NRCAM: variants seen among roughly 807,000 people sequenced by gnomAD.
NRCAM encodes the protein NgCAM-related cell adhesion molecule.
A neutral mutation model predicts 156.5 loss-of-function variants in NRCAM; 83 were observed. That is an observed-to-expected ratio of 0.53 (90% CI 0.44 to 0.64). The LOEUF (loss-of-function observed/expected upper bound fraction) is 0.64. Ranked by LOEUF, NRCAM falls within the 30% of genes least tolerant of loss-of-function variation. NRCAM has a pLI of 0.00. For missense variants in NRCAM, 1,417 were observed against 1,597.3 expected, an observed-to-expected ratio of 0.89 and a Z score of 1.92; for synonymous variants, 538 against 563.9, an observed-to-expected ratio of 0.95 and a Z score of 0.65.
At chr7:108,223,636 G>C (rs749985426) in intron 11 of NRCAM, 89 bp downstream of exon 11, 65 of 582,854 alleles carry the variant, frequency 1.1e-4, no homozygotes, top group Non-Finnish European at 1.7e-4. Context: ...AGAAGACAAT[G>C]ACTCCTCCTA....
In NRCAM at chr7:108,226,393, A is replaced by G; in HGVS notation, c.551-15T>C. ...TCTTTGAAAGGCTGGAGAAAGGCAG[A>G]GAGATATCAAGATTATTCCATCATA... On this transcript the variant is annotated splice_polypyrimidine_tract_variant and intron_variant, in intron 8 of 32. Transcript: ENST00000379028. The G allele has an allele frequency of 6.3e-7, 1 of 1,599,154 alleles. No homozygotes were observed. Among genetic ancestry groups the G allele is most frequent in the Non-Finnish European group, 8.6e-7 (1 of 1,168,900 alleles).
At chr7:108,271,145 T>A (rs1371817051) in intron 3 of NRCAM, among the ~76,000 whole-genome samples, 5 of 152,248 alleles carry the variant, frequency 3.3e-5, no homozygotes, top group Admixed American at 2.0e-4. Flanking sequence ...TATTATGTTA[T>A]GCATATTTTA....
chr7:108,443,327 A>G (rs1040201049), intron 1 of NRCAM, among the ~76,000 whole-genome samples: 1 of 152,226 alleles, frequency 6.6e-6, no homozygotes, highest in Non-Finnish European at 1.5e-5. Flanking sequence ...ATGGGGAGAC[A>G]TCATAAAGGA....
chr7:108,387,150 T>C (rs954957491), intron 2 of NRCAM, among the ~76,000 whole-genome samples: 1 of 152,188 alleles, frequency 6.6e-6, no homozygotes, highest in African/African-American at 2.4e-5. Context: ...TTTCTTATCC[T>C]GAACAATTCC....
rs148378085 is a variant in NRCAM, at chr7:108,180,098, T to C, written c.2851+125A>G. 4.0e-5 allele frequency: 30 copies of C among 741,270 alleles called. No individual in the cohort carries two copies. The African/African-American group carries it at 4.0e-4, about 10-fold the overall frequency. 45.9% of individuals were successfully genotyped at this position (741,270 alleles called of 1,614,324 possible). A position where few individuals can be genotyped will look rare whatever the true frequency, so the allele number is the denominator to read the frequency against. Reference sequence around the variant, plus strand: ...GGTAGCTTTGTGTGTGCTGTATTCATCTATAGAAATTTCAATCACATTTGG... The same window carrying C: ...GGTAGCTTTGTGTGTGCTGTATTCACCTATAGAAATTTCAATCACATTTGG... On this transcript the variant is annotated intron_variant, in intron 25 of 32. Coordinates refer to ENST00000379028, the MANE Select transcript of NRCAM (RefSeq NM_001037132.4).
intron 12 of NRCAM, among the ~76,000 whole-genome samples, chr7:108,208,983 C>T (rs1313993857): frequency 2.0e-5 from 3 of 152,184 alleles, no homozygotes; most frequent in East Asian, 3.8e-4. Context: ...AAGTAAGCTC[C>T]ATCTTCTAAA....
chr7:108,431,681 T>C (rs1285198822), intron 1 of NRCAM, among the ~76,000 whole-genome samples: 1 of 152,030 alleles, frequency 6.6e-6, no homozygotes, highest in Non-Finnish European at 1.5e-5. Flanking sequence ...GCTACTCAGG[T>C]GGCTGAGGTA....
At chr7:108,261,384 GCT>G (rs2153994341) in intron 3 of NRCAM, among the ~76,000 whole-genome samples, 1 of 152,292 alleles carries the variant, frequency 6.6e-6, no homozygotes, top group Admixed American at 6.5e-5. Context: ...AGATAGTATA[GCT>G]CTCTTTTGCT....
chr7:108,173,581 C>A (rs1026054853), intron 28 of NRCAM, among the ~76,000 whole-genome samples: 3 of 152,166 alleles, frequency 2.0e-5, no homozygotes, highest in South Asian at 2.1e-4. Context: ...GTCTTACTGG[C>A]AAAATATCCT....
At chr7:108,232,144 A>G (rs1352031749) in intron 7 of NRCAM, among the ~76,000 whole-genome samples, 182 bp downstream of exon 7, 1 of 152,152 alleles carries the variant, frequency 6.6e-6, no homozygotes, top group African/African-American at 2.4e-5. Context: ...TTGGTAAAGC[A>G]TTGGACTAAG....
chr7:108,361,971 G>A (rs1595108633), intron 2 of NRCAM, among the ~76,000 whole-genome samples: 2 of 152,156 alleles, frequency 1.3e-5, no homozygotes, highest in Middle Eastern at 6.8e-3. Flanking sequence ...ATTCAATTGA[G>A]TTGAAAACGT....
intron 3 of NRCAM, among the ~76,000 whole-genome samples, chr7:108,299,608 T>C (rs1226350859): frequency 3.9e-5 from 6 of 152,230 alleles, no homozygotes; most frequent in African/African-American, 1.4e-4. Context: ...ATGGAATAGA[T>C]ATTTAGAGCC....
At chr7:108,446,300 C>A (rs1273100780) in intron 1 of NRCAM, among the ~76,000 whole-genome samples, 1 of 152,126 alleles carries the variant, frequency 6.6e-6, no homozygotes, top group African/African-American at 2.4e-5. Context: ...TCTACAGAGT[C>A]CAGGCATGAA....
At chr7:108,344,487 A>G (rs1168388296) in intron 2 of NRCAM, among the ~76,000 whole-genome samples, 2 of 137,358 alleles carry the variant, frequency 1.5e-5, no homozygotes, top group East Asian at 5.7e-4. Flanking sequence ...AAATCTTGCA[A>G]CTGAAAAAAA....
At chr7:108,448,448 C>T (rs13245101) in intron 1 of NRCAM, among the ~76,000 whole-genome samples, 37,502 of 152,148 alleles carry the variant, frequency 0.25, 4,944 homozygotes, top group Non-Finnish European at 0.29. Flanking sequence ...GTCATTTAAG[C>T]AGTCAAAGAT....
In NRCAM at chr7:108,149,304, A is replaced by G. The variant is rs2040080172; in HGVS notation, c.*606T>C. 2 of 152,648 alleles carry G rather than the reference A, an allele frequency of 1.3e-5. No homozygotes were observed. Among genetic ancestry groups the G allele is most frequent in the South Asian group, 4.1e-4 (2 of 4,832 alleles). The allele number at this position is 152,648 out of a possible 1,614,324, so 9.5% of individuals were successfully genotyped here. A position where few individuals can be genotyped will look rare whatever the true frequency, so the allele number is the denominator to read the frequency against. Reference sequence around the variant, plus strand: ...GGAGTAACAGGAGCCAAGAGTAGGTAATAGTTCTCAGTAAGCATCAGCAAT... The same window carrying G: ...GGAGTAACAGGAGCCAAGAGTAGGTGATAGTTCTCAGTAAGCATCAGCAAT... On this transcript the variant is annotated 3_prime_UTR_variant, in exon 33 of 33. Coordinates refer to ENST00000379028, the MANE Select transcript of NRCAM (RefSeq NM_001037132.4).
At chr7:108,194,573 A>G in intron 15 of NRCAM, 145 bp from the exon 16 acceptor site, 1 of 586,776 alleles carries the variant, frequency 1.7e-6, no homozygotes, top group Non-Finnish European at 2.9e-6. Context: ...AAGTATCAAT[A>G]GGAAAATAAC....
chr7:108,325,191 G>A (rs1045249759), intron 2 of NRCAM, among the ~76,000 whole-genome samples: 2 of 152,072 alleles, frequency 1.3e-5, no homozygotes, highest in African/African-American at 4.8e-5. Context: ...CAATGGAGAA[G>A]AGAAAATGTG....
intron 20 of NRCAM, among the ~76,000 whole-genome samples, chr7:108,186,364 G>A (rs1435145931): frequency 6.6e-6 from 1 of 152,112 alleles, no homozygotes; most frequent in East Asian, 1.9e-4. Flanking sequence ...TCTCAAACTG[G>A]ATAGTACCAA....
Sources: allele counts gnomAD v4.1 joint callset (sites outside exome capture counted in the v4.1 genomes callset), GRCh38; gene constraint gnomAD v4.1.1; transcripts MANE v1.5; gene names NCBI Gene and HGNC (gene_info 2026-07-23, HGNC 2026-07-21).